CATSPERE: variants seen among roughly 807,000 people sequenced by gnomAD.
CATSPERE encodes catsper channel auxiliary subunit epsilon.
Under a neutral mutation model 114.1 loss-of-function variants are expected in CATSPERE, and 93 were observed. That is an observed-to-expected ratio of 0.81 (90% CI 0.69 to 0.97). The LOEUF (loss-of-function observed/expected upper bound fraction) is 0.97. CATSPERE is among the 50% of genes least tolerant of loss of function. The pLI, the probability that CATSPERE is intolerant of heterozygous loss-of-function variation, is 0.00. For missense variants in CATSPERE, 1,058 were observed against 1,131.6 expected, an observed-to-expected ratio of 0.93 and a Z score of 0.93; for synonymous variants, 341 against 384.1, an observed-to-expected ratio of 0.89 and a Z score of 1.31.
Position 244,479,755 on chromosome 1 carries a change from T to G in CATSPERE, c.297T>G (p.His99Gln). The G allele has an allele frequency of 6.2e-7, 1 of 1,600,122 alleles. No homozygotes were observed. The highest frequency in any genetic ancestry group is 8.5e-7 in the Non-Finnish European group (1 of 1,171,092). The change falls in exon 5 of 22, where the codon CAT (histidine) becomes CAG (glutamine). Residue 99 changes from histidine (H) to glutamine (Q), a missense_variant. Coordinates refer to ENST00000366534, the MANE Select transcript of CATSPERE (RefSeq NM_001130957.2). ...GCTATTTATTTGTGGAAAGTTCTCA[T>G]ACTTGCTTTCTGTGGTACTATAGAG... ...EERYLFVESS[H>Q]TCFLWYYRVR...
rs1480706455 is a variant in CATSPERE, at chr1:244,474,760, CA to C, written c.115-2780del. Among the ~76,000 whole-genome samples the C allele has an allele frequency of 2.4e-5, 3 of 124,746 alleles. No individual in the cohort carries two copies. The East Asian group carries it at 6.8e-4, about 28-fold the overall frequency. 81.8% of individuals were successfully genotyped at this position (124,746 alleles called of 152,430 possible). On this transcript the variant is annotated intron_variant, in intron 2 of 21. Transcript: ENST00000366534. Reference sequence around the variant, plus strand: ...TTCTTTTTTTTTTTTTTTTTGGAGACAGGGTTTTGGTCTTGCTCTGTCATCC... The same window carrying C: ...TTCTTTTTTTTTTTTTTTTTGGAGACGGGTTTTGGTCTTGCTCTGTCATCC...
chr1:244,499,436 A>T (rs1384735143), intron 7 of CATSPERE, among the ~76,000 whole-genome samples: 1 of 151,978 alleles, frequency 6.6e-6, no homozygotes, highest in Non-Finnish European at 1.5e-5. Flanking sequence ...TCAACCCATC[A>T]TCTAGGTTTT....
rs55750572 is a variant in CATSPERE at position 244,479,548 on chromosome 1, G to A, written c.259-169G>A. On this transcript the variant is annotated intron_variant, in intron 4 of 21. Coordinates refer to ENST00000366534, the MANE Select transcript of CATSPERE (RefSeq NM_001130957.2). ...CAAATGTAATAAAAATGATAAAGAT[G>A]GCAATATATAAATATTTAAATATAT... 1.9e-3 allele frequency among the ~76,000 whole-genome samples: 289 copies of A among 152,120 alleles called. 2 individuals are homozygous for A. The highest frequency in any genetic ancestry group is 3.0e-3 in the Non-Finnish European group (203 of 67,990).
intron 2 of CATSPERE, among the ~76,000 whole-genome samples, chr1:244,467,741 A>G (rs1406478529): frequency 6.6e-6 from 1 of 152,204 alleles, no homozygotes; most frequent in African/African-American, 2.4e-5. Context: ...ATTTCTGTGT[A>G]TTCACATAGT....
intron 11 of CATSPERE, among the ~76,000 whole-genome samples, chr1:244,578,656 T>C (rs1665655814): frequency 6.6e-6 from 1 of 150,998 alleles, no homozygotes; most frequent in Non-Finnish European, 1.5e-5. Context: ...TCTACAGCTA[T>C]ATATATATAG....
chr1:244,517,742 C>T (rs1315271414), intron 7 of CATSPERE, among the ~76,000 whole-genome samples: 1 of 150,676 alleles, frequency 6.6e-6, no homozygotes, highest in Non-Finnish European at 1.5e-5. Flanking sequence ...CATTGCACTC[C>T]AGCCTGGGCA....
chr1:244,535,878 GTCACA>G (rs1489515437), intron 8 of CATSPERE, among the ~76,000 whole-genome samples: 4 of 151,992 alleles, frequency 2.6e-5, no homozygotes, highest in Admixed American at 6.6e-5. Context: ...AATGTGCTGG[GTCACA>G]CATGAAGCTG....
chr1:244,455,224 C>A (rs3006005), intron 1 of CATSPERE, among the ~76,000 whole-genome samples: 126,821 of 152,022 alleles, frequency 0.83, 53,192 homozygotes, highest in Middle Eastern at 0.9. Context: ...TTTTTTATTT[C>A]TGTAACTTTG....
chr1:244,470,091 C>T (rs188937661), intron 2 of CATSPERE, among the ~76,000 whole-genome samples: 6 of 152,108 alleles, frequency 3.9e-5, no homozygotes, highest in African/African-American at 1.2e-4. Context: ...AACTGTAAAA[C>T]ATATAGAAGA....
intron 8 of CATSPERE, among the ~76,000 whole-genome samples, chr1:244,529,121 A>G (rs919535003): frequency 1.1e-4 from 16 of 152,182 alleles, no homozygotes; most frequent in Admixed American, 9.8e-4. Flanking sequence ...ACTATTATGA[A>G]TTATGCTGCA....
In CATSPERE at chr1:244,560,825, A is replaced by G. The variant is rs201661714; in HGVS notation, c.1187A>G (p.Tyr396Cys). Residue 396 changes from tyrosine (Y) to cysteine (C), a missense_variant, in exon 10 of 22, where the codon TAT becomes TGT. Around this residue, in one of 2 missense-constraint regions of CATSPERE, gnomAD observed 787 missense variants for 905.6 expected, o/e 0.87. Transcript: ENST00000366534. ...ACTCTGACCATAGACAGGGTTGAGT[A>G]TACAGGACACCCTCTGGAGATTGCT... ...TATLTIDRVE[Y>C]TGHPLEIAVF... is the part of the protein sequence containing the mutation. 9 of 1,613,980 alleles carry G rather than the reference A, an allele frequency of 5.6e-6. No homozygotes were observed. Among genetic ancestry groups the G allele is most frequent in the Non-Finnish European group, 5.1e-6 (6 of 1,179,996 alleles).
chr1:244,546,681 T>C (rs991620804), intron 8 of CATSPERE, among the ~76,000 whole-genome samples: 1 of 151,710 alleles, frequency 6.6e-6, no homozygotes, highest in African/African-American at 2.4e-5. Flanking sequence ...TGCTGAAAAA[T>C]AAGTGAACAA....
At chr1:244,586,179 C>G (rs369930786) in intron 13 of CATSPERE, among the ~76,000 whole-genome samples, 13 of 152,310 alleles carry the variant, frequency 8.5e-5, no homozygotes, top group South Asian at 4.1e-4. Context: ...GCAGTGGGTA[C>G]TCTAGGAAAC....
chr1:244,611,459 G>A (rs1417489576), intron 19 of CATSPERE, among the ~76,000 whole-genome samples: 1 of 151,840 alleles, frequency 6.6e-6, no homozygotes, highest in Admixed American at 6.6e-5. Flanking sequence ...GCTGGGCCTG[G>A]TGGTGCATGC....
At chr1:244,582,472 G>A (rs962700773) in intron 12 of CATSPERE, among the ~76,000 whole-genome samples, 12 of 149,690 alleles carry the variant, frequency 8.0e-5, no homozygotes, top group African/African-American at 1.7e-4. Flanking sequence ...GCATGATCTC[G>A]GCTCACTGCA....
At chr1:244,457,699 T>C (rs1329063740), upstream of CATSPERE, 4 of 152,222 alleles carry the variant, frequency 2.6e-5, no homozygotes, top group Non-Finnish European at 5.9e-5. Context: ...TTTAAACCTT[T>C]GATATTTGAC....
intron 10 of CATSPERE, among the ~76,000 whole-genome samples, chr1:244,563,056 A>G (rs923818038): frequency 6.6e-6 from 1 of 152,158 alleles, no homozygotes; most frequent in South Asian, 2.1e-4. Flanking sequence ...CCTGCAAAGG[A>G]CATGAATTCA....
At chr1:244,555,761 T>G (rs1261072697) in intron 9 of CATSPERE, among the ~76,000 whole-genome samples, 1 of 152,098 alleles carries the variant, frequency 6.6e-6, no homozygotes, top group Non-Finnish European at 1.5e-5. Flanking sequence ...CATACAAAAA[T>G]CAGCAGCATT....
chr1:244,609,571 G>A (rs764885466), intron 18 of CATSPERE, among the ~76,000 whole-genome samples: 3 of 151,860 alleles, frequency 2.0e-5, no homozygotes, highest in Non-Finnish European at 2.9e-5. Context: ...GGCTGGTCTC[G>A]AACTCCTGAC....
Sources: allele counts gnomAD v4.1 joint callset (sites outside exome capture counted in the v4.1 genomes callset), GRCh38; gene constraint gnomAD v4.1.1; regional missense constraint gnomAD v4.1.1; transcripts MANE v1.5; gene names NCBI Gene and HGNC (gene_info 2026-07-23, HGNC 2026-07-21).